The following SPESP1 variants were observed in gnomAD, a reference collection of about 807,000 sequenced individuals.
The protein encoded by SPESP1 is sperm equatorial segment protein 1.
Under a neutral mutation model 3.1 loss-of-function variants are expected in SPESP1, and 1 was observed. The ratio of observed to expected loss-of-function variants is 0.33; its 90% confidence interval spans 0.12 to 1.54. The LOEUF is 1.54. Among genes scored for constraint, SPESP1 ranks in the 40% most tolerant of loss-of-function variants. The probability of loss-of-function intolerance (pLI) is 0.38; values close to 1 mark genes in which losing one functional copy is unlikely to be tolerated. For synonymous variants in SPESP1, 138 were observed against 150.7 expected (o/e 0.92, Z 0.62); for missense variants, 398 against 410.1 (o/e 0.97, Z 0.26).
At position 68,935,547 on chromosome 15, in the gene SPESP1, T is replaced by C. The variant is rs150637305; in HGVS notation, c.64+4830T>C. Among the ~76,000 whole-genome samples the C allele has an allele frequency of 2.6e-3, 403 of 152,318 alleles. 5 individuals are homozygous for C. The highest frequency in any genetic ancestry group is 9.5e-3 in the African/African-American group (395 of 41,568). The stretch of plus-strand genomic sequence containing the variant: ...TTTATAAGCCCCAACATGGATGCTC[T>C]TACGAAGCCTACACTGTATCAGACT... On this transcript the variant is annotated intron_variant, in intron 1 of 1. Coordinates refer to ENST00000310673, the MANE Select transcript of SPESP1 (RefSeq NM_145658.4).
intron 1 of SPESP1, among the ~76,000 whole-genome samples, chr15:68,932,884 C>T (rs1428867360): frequency 6.6e-6 from 1 of 152,210 alleles, no homozygotes; most frequent in South Asian, 2.1e-4. Flanking sequence ...AATTACCTTT[C>T]TTCTACAGAA....
rs1895500537 is a variant in SPESP1, at chr15:68,930,545, C to T, written c.-109C>T. The stretch of plus-strand genomic sequence containing the variant: ...CAACCGTTGCTGGGTGTCCCAGGGC[C>T]TGAGGCAGGACGGTACTCCGCTGAC... On this transcript the variant is annotated 5_prime_UTR_variant, in exon 1 of 2. Transcript: ENST00000310673. 4 of 1,475,320 alleles carry T rather than the reference C, an allele frequency of 2.7e-6. No individual in the cohort carries two copies. The Admixed American group carries it at 5.2e-5, about 19-fold the overall frequency. The allele number at this position is 1,475,320 out of a possible 1,614,324, so 91.4% of individuals were successfully genotyped here.
In SPESP1 at chr15:68,934,881, T is replaced by C. The variant is rs536692024; in HGVS notation, c.64+4164T>C. Reference sequence around the variant, plus strand: ...TTCATACCTTGACCATTTGGAGCCATTGTAAGCTGTCTTCTCTTGTTCTTT... The same window carrying C: ...TTCATACCTTGACCATTTGGAGCCACTGTAAGCTGTCTTCTCTTGTTCTTT... On this transcript the variant is annotated intron_variant, in intron 1 of 1. Coordinates refer to ENST00000310673, the MANE Select transcript of SPESP1 (RefSeq NM_145658.4). Among the ~76,000 whole-genome samples, 11 of 152,272 alleles carry C rather than the reference T, an allele frequency of 7.2e-5. No individual in the cohort carries two copies. In the East Asian group the frequency reaches 1.3e-3, roughly 19 times the overall value.
At chr15:68,944,968 A>T (rs539595156) in intron 1 of SPESP1, among the ~76,000 whole-genome samples, 2 of 152,310 alleles carry the variant, frequency 1.3e-5, no homozygotes, top group African/African-American at 4.8e-5. Flanking sequence ...TCAAACTACC[A>T]AGTTGACATC....
rs765355443 is a variant in SPESP1, at chr15:68,946,277, C to G, written c.743C>G (p.Pro248Arg). Residue 248 changes from proline (P) to arginine (R), a missense_variant, in exon 2 of 2, where the codon CCA becomes CGA. Coordinates refer to ENST00000310673, the MANE Select transcript of SPESP1 (RefSeq NM_145658.4). The stretch of plus-strand genomic sequence containing the variant: ...GCACTTCTTAGTGACACCAGCAACC[C>G]AGCATATAGAGAAGATATTGAAGCC... The part of the protein sequence containing the change: ...QQALLSDTSN[P>R]AYREDIEASK... 2 of 1,613,940 alleles carry G rather than the reference C, an allele frequency of 1.2e-6. No individual in the cohort carries two copies. The highest frequency in any genetic ancestry group is 1.3e-5 in the African/African-American group (1 of 74,910).
chr15:68,945,483 T>C (rs1022341095), intron 1 of SPESP1, 116 bp from the exon 2 acceptor site: 2 of 826,784 alleles, frequency 2.4e-6, no homozygotes, highest in Non-Finnish European at 3.4e-6. Context: ...ATATTGGTTC[T>C]TTATTTCAAT....
At chr15:68,944,804 G>A (rs953052046) in intron 1 of SPESP1, among the ~76,000 whole-genome samples, 11 of 152,180 alleles carry the variant, frequency 7.2e-5, no homozygotes, top group Admixed American at 2.0e-4. Flanking sequence ...CAGTTGAGTG[G>A]ATATGAGTCA....
intron 1 of SPESP1, among the ~76,000 whole-genome samples, chr15:68,940,360 T>C (rs974370168): frequency 3.3e-5 from 5 of 152,182 alleles, no homozygotes; most frequent in Non-Finnish European, 7.4e-5. Context: ...TACTTCAGCA[T>C]GAAGCACTAA....
At chr15:68,930,833 C>G in intron 1 of SPESP1, 116 bp downstream of exon 1, 4 of 1,521,058 alleles carry the variant, frequency 2.6e-6, no homozygotes, top group Non-Finnish European at 3.6e-6. Context: ...CCTCCCTCCC[C>G]CACTGTCCGG....
chr15:68,946,368 G>A lies in SPESP1; in HGVS notation c.834G>A (p.Met278Ile), dbSNP rs367854059. The stretch of plus-strand genomic sequence containing the variant: ...CAGCAGAACATAAATTAAAAACAAT[G>A]TATAAGTCCCAGTTATTGCCAGTAG... ...AAAAEHKLKT[M>I]YKSQLLPVGR... Residue 278 changes from methionine (M) to isoleucine (I), a missense_variant, in exon 2 of 2, where the codon ATG (methionine) becomes ATA (isoleucine). By Grantham distance (10) the Met-to-Ile change is conservative. Transcript: ENST00000310673. 6 of 1,614,010 alleles carry A rather than the reference G, an allele frequency of 3.7e-6. No individual in the cohort carries two copies. The Admixed American group carries it at 6.7e-5, about 18-fold the overall frequency.
At position 68,934,226 on chromosome 15, in the gene SPESP1, G is replaced by T. The variant is rs111900951; in HGVS notation, c.64+3509G>T. Among the ~76,000 whole-genome samples, 991 of 152,206 alleles carry T rather than the reference G, an allele frequency of 6.5e-3. 15 individuals are homozygous for T. The highest frequency in any genetic ancestry group is 0.023 in the African/African-American group (935 of 41,524). ...ATTTCTAGATTGGTATTATAAGAAG[G>T]CTCAATGTATCAGTCTTTGGCTTCT... On this transcript the variant is annotated intron_variant, in intron 1 of 1. Coordinates refer to ENST00000310673, the MANE Select transcript of SPESP1 (RefSeq NM_145658.4).
chr15:68,946,343 C>G lies in SPESP1; in HGVS notation c.809C>G (p.Ala270Gly). 6.2e-7 allele frequency: 1 copy of G among 1,614,150 alleles called. No individual in the cohort carries two copies. Among genetic ancestry groups the G allele is most frequent in the Middle Eastern group, 1.6e-4 (1 of 6,062 alleles). The change falls in exon 2 of 2, where the codon GCA (alanine) becomes GGA (glycine). Residue 270 changes from alanine (A) to glycine (G), a missense_variant. By Grantham distance (60) the Ala-to-Gly change is moderately conservative. Transcript: ENST00000310673. Reference protein sequence around the residue: ...HLKRSLALAAAAEHKLKTMYK... With the variant: ...HLKRSLALAAGAEHKLKTMYK... ...AAACGAAGCCTTGCTCTAGCAGCAG[C>G]AGCAGAACATAAATTAAAAACAATG... is the stretch of plus-strand genomic sequence containing the variant.
Position 68,930,722 on chromosome 15 carries a change from G to T in SPESP1, c.64+5G>T. ...CGTCTGTGCCGGCTTATCCGAGTGA[G>T]TGACGGGCCTGAGGAGGCAGCGGAC... On this transcript the variant is annotated splice_donor_5th_base_variant and intron_variant, in intron 1 of 1. Coordinates refer to ENST00000310673, the MANE Select transcript of SPESP1 (RefSeq NM_145658.4). 6.2e-7 allele frequency: 1 copy of T among 1,613,956 alleles called. No individual in the cohort carries two copies. Among genetic ancestry groups the T allele is most frequent in the Non-Finnish European group, 8.5e-7 (1 of 1,179,854 alleles).
At chr15:68,935,840 C>A (rs1366532451) in intron 1 of SPESP1, among the ~76,000 whole-genome samples, 1 of 152,122 alleles carries the variant, frequency 6.6e-6, no homozygotes, top group Non-Finnish European at 1.5e-5. Flanking sequence ...TTGAGTACAC[C>A]TCAGTAATTA....
At chr15:68,942,587 A>C (rs987980218) in intron 1 of SPESP1, among the ~76,000 whole-genome samples, 5 of 152,186 alleles carry the variant, frequency 3.3e-5, no homozygotes, top group Non-Finnish European at 7.4e-5. Context: ...CTTTTTAGGG[A>C]ACATGTTTTT....
chr15:68,932,079 T>A (rs1285926471), intron 1 of SPESP1, among the ~76,000 whole-genome samples: 2 of 152,236 alleles, frequency 1.3e-5, no homozygotes, highest in Non-Finnish European at 2.9e-5. Context: ...GATTTGTAGC[T>A]GTTTTTAATA....
chr15:68,945,157 ATAAGT>A (rs1298072803), intron 1 of SPESP1, among the ~76,000 whole-genome samples: 2 of 152,224 alleles, frequency 1.3e-5, no homozygotes, highest in Admixed American at 1.3e-4. Flanking sequence ...GTAAATGTAG[ATAAGT>A]TAATTGTTAA....
intron 1 of SPESP1, among the ~76,000 whole-genome samples, chr15:68,941,684 G>C (rs1297578159): frequency 1.3e-5 from 2 of 152,086 alleles, no homozygotes; most frequent in Non-Finnish European, 2.9e-5. Context: ...AGGTAATCCA[G>C]AATAATTGCC....
chr15:68,931,341 C>T (rs1895533742), intron 1 of SPESP1, among the ~76,000 whole-genome samples: 2 of 151,454 alleles, frequency 1.3e-5, no homozygotes, highest in African/African-American at 4.9e-5. Context: ...GCATGACGCT[C>T]ACATTTCATT....
Sources: allele counts gnomAD v4.1 joint callset (sites outside exome capture counted in the v4.1 genomes callset), GRCh38; gene constraint gnomAD v4.1.1; transcripts MANE v1.5; gene names NCBI Gene and HGNC (gene_info 2026-07-23, HGNC 2026-07-21).